The following MEGF6 variants were observed in gnomAD, a reference collection of about 807,000 sequenced individuals.
MEGF6 encodes multiple EGF like domains 6, also known as multiple epidermal growth factor-like domains protein 6.
A neutral mutation model predicts 207.1 loss-of-function variants in MEGF6; 184 were observed. That is an observed-to-expected ratio of 0.89 (90% confidence interval 0.79 to 1.00). The LOEUF (loss-of-function observed/expected upper bound fraction) is 1.00, where lower values mean the gene tolerates loss of function less well. Ranked by LOEUF, MEGF6 falls within the 50% of genes least tolerant of loss-of-function variation. The pLI is 0.00. For synonymous variants in MEGF6, 1,038 were observed against 910.0 expected (o/e 1.14, Z -2.53); for missense variants, 2,282 against 2,202.9 (o/e 1.04, Z -0.72).
At chr1:3,490,612 G>A (rs988220408) in intron 36 of MEGF6, 23 bp from the exon 37 acceptor site, 4 of 1,611,310 alleles carry the variant, frequency 2.5e-6, no homozygotes, top group African/African-American at 2.7e-5. Flanking sequence ...AGAAAAGAGG[G>A]CCAGTCCAGG....
chr1:3,605,259 C>A (rs1424715725), intron 1 of MEGF6, among the ~76,000 whole-genome samples: 1 of 152,028 alleles, frequency 6.6e-6, no homozygotes, highest in Non-Finnish European at 1.5e-5. Flanking sequence ...AAGGCACTCA[C>A]ACATACTCTC....
Position 3,492,763 on chromosome 1 carries a change from G to T in MEGF6, c.4392C>A (p.Cys1464Ter). Residue 1464 changes from cysteine (C) to a stop codon, truncating the protein, a stop_gained, in exon 35 of 37, where the codon TGC (cysteine) becomes TGA (stop). Coordinates refer to ENST00000356575, the MANE Select transcript of MEGF6 (RefSeq NM_001409.4). LOFTEE classifies it high-confidence loss of function. The stretch of plus-strand genomic sequence containing the variant: ...AGCTGGGCCCAAACTGGCCCCTTCT[G>T]CAATCTGCAAGGCGGAGGGGGCGGG... ...GRSGATCNLD[C>*]RRGQFGPSCT... is the part of the protein sequence containing the mutation. 6.2e-7 allele frequency: 1 copy of T among 1,611,202 alleles called. No individual in the cohort carries two copies. The highest frequency in any genetic ancestry group is 2.2e-5 in the East Asian group (1 of 44,830).
intron 2 of MEGF6, 124 bp from the exon 3 acceptor site, chr1:3,595,571 C>A: frequency 1.3e-6 from 1 of 772,282 alleles, no homozygotes; most frequent in South Asian, 1.7e-5. Flanking sequence ...GCTGCAGCAC[C>A]AAGGTTCCTG....
intron 14 of MEGF6, 101 bp from the exon 15 acceptor site, chr1:3,506,337 G>T: frequency 7.1e-7 from 1 of 1,410,344 alleles, no homozygotes; most frequent in Non-Finnish European, 9.5e-7. Flanking sequence ...GCCCAGCACA[G>T]GAGCTGGGAG....
chr1:3,536,374 C>T (rs531226376), intron 4 of MEGF6, among the ~76,000 whole-genome samples: 7 of 152,348 alleles, frequency 4.6e-5, no homozygotes, highest in Admixed American at 2.0e-4. Flanking sequence ...CTGAGACGTC[C>T]GTCCAGGTCC....
intron 2 of MEGF6, among the ~76,000 whole-genome samples, chr1:3,597,849 G>A (rs1644092972): frequency 6.6e-6 from 1 of 152,326 alleles, no homozygotes; most frequent in Admixed American, 6.5e-5. Context: ...GTTTGTCGGG[G>A]CTCACTGCAG....
At chr1:3,493,930 T>C in intron 33 of MEGF6, 31 bp from the exon 34 acceptor site, 1 of 1,582,566 alleles carries the variant, frequency 6.3e-7, no homozygotes, top group Non-Finnish European at 8.6e-7. Context: ...AGTGTCCCCC[T>C]CCTGTCCTGC....
chr1:3,584,352 G>T (rs1035047185), intron 3 of MEGF6, among the ~76,000 whole-genome samples: 1 of 152,206 alleles, frequency 6.6e-6, no homozygotes, highest in Admixed American at 6.5e-5. Context: ...CCACTTCTCT[G>T]GAGCTGCCGC....
chr1:3,494,121 C>G lies in MEGF6; in HGVS notation c.4133G>C (p.Cys1378Ser), dbSNP rs1409219020. ...GFYGQACEHP[C>S]PPGFHGAGCQ... ...GCCAGCCCCGTGGAAGCCAGGGGGA[C>G]AGGCTGAAGGACGCCGGTTACCACG... The change falls in exon 33 of 37, where the codon TGT becomes TCT. Residue 1378 changes from cysteine (C) to serine (S), a missense_variant. Cys to Ser is a moderately radical substitution (Grantham distance 112). Transcript: ENST00000356575. 1 of 1,566,054 alleles carries G rather than the reference C, an allele frequency of 6.4e-7. No individual in the cohort carries two copies. The highest frequency in any genetic ancestry group is 1.4e-5 in the African/African-American group (1 of 73,662).
intron 4 of MEGF6, among the ~76,000 whole-genome samples, chr1:3,544,607 C>T (rs569227105): frequency 4.8e-4 from 72 of 151,086 alleles, no homozygotes; most frequent in East Asian, 4.1e-3. Flanking sequence ...CTCCACACAC[C>T]GCAGCCCTGG....
At position 3,501,313 on chromosome 1, in the gene MEGF6, T is replaced by C; in HGVS notation, c.2315-5A>G. The stretch of plus-strand genomic sequence containing the variant: ...CCCAGCGGCCCTCGGGACAATCTAG[T>C]GCCCACCCCCATGGCCAGTCAGTGC... On this transcript the variant is annotated splice_region_variant and splice_polypyrimidine_tract_variant and intron_variant, in intron 18 of 36. Coordinates refer to ENST00000356575, the MANE Select transcript of MEGF6 (RefSeq NM_001409.4). 3.1e-6 allele frequency: 5 copies of C among 1,593,716 alleles called. No homozygotes were observed. Among genetic ancestry groups the C allele is most frequent in the Admixed American group, 1.7e-5 (1 of 57,958 alleles).
intron 17 of MEGF6, among the ~76,000 whole-genome samples, chr1:3,504,732 C>T (rs2100984980): frequency 6.6e-6 from 1 of 152,280 alleles, no homozygotes; most frequent in East Asian, 1.9e-4. Context: ...CACACCCAGG[C>T]CAAAGCATCC....
the MEGF6 span, among the ~76,000 whole-genome samples, chr1:3,621,082 A>G: frequency 6.6e-6 from 1 of 152,248 alleles, no homozygotes; most frequent in African/African-American, 2.4e-5. Flanking sequence ...GACCAGGAGC[A>G]TGACCACTGA....
intron 35 of MEGF6, among the ~76,000 whole-genome samples, chr1:3,492,146 G>A (rs1401064095): frequency 6.6e-6 from 1 of 152,052 alleles, no homozygotes; most frequent in Non-Finnish European, 1.5e-5. Context: ...CACACACTGG[G>A]TGCCACACAC....
chr1:3,616,897 C>T, the MEGF6 span, among the ~76,000 whole-genome samples: 2 of 152,228 alleles, frequency 1.3e-5, no homozygotes, highest in African/African-American at 4.8e-5. Context: ...TGCCTGTGTC[C>T]TCCTGAATGA....
chr1:3,520,409 C>T (rs1287460027), intron 5 of MEGF6, among the ~76,000 whole-genome samples: 1 of 152,204 alleles, frequency 6.6e-6, no homozygotes, highest in East Asian at 1.9e-4. Flanking sequence ...AATGATGCCC[C>T]CAGACACTCG....
Position 3,531,177 on chromosome 1 carries a change from G to A in MEGF6, c.482-6931C>T, listed in dbSNP as rs1329134676. ...GGTAGCGGTAGTGCGTGCCCGCGAC[G>A]CGCGCCAGGCCCCCCAGGAGCCCAA... is the stretch of plus-strand genomic sequence containing the variant. On this transcript the variant is annotated intron_variant, in intron 4 of 36. Coordinates refer to ENST00000356575, the MANE Select transcript of MEGF6 (RefSeq NM_001409.4). 7.2e-6 allele frequency: 11 copies of A among 1,522,674 alleles called. No individual in the cohort carries two copies. In the African/African-American group the frequency reaches 1.3e-4, roughly 18 times the overall value. 94.3% of individuals were successfully genotyped at this position (1,522,674 alleles called of 1,614,324 possible).
chr1:3,509,031 T>TGGCCCTGCGAGCAGGA, intron 12 of MEGF6, 44 bp downstream of exon 12: 1 of 1,485,328 alleles, frequency 6.7e-7, no homozygotes, highest in Non-Finnish European at 9.0e-7. Context: ...CGCTGGCTGC[T>TGGCCCTGCGAGCAGGA]GGCCCTGCGA....
intron 5 of MEGF6, among the ~76,000 whole-genome samples, chr1:3,518,111 T>G (rs974598164): frequency 2.6e-5 from 4 of 152,216 alleles, no homozygotes; most frequent in African/African-American, 9.6e-5. Flanking sequence ...ATGAATGGAA[T>G]GTGTCCCCCC....
Sources: gnomAD v4.1 joint callset for allele counts (sites outside exome capture counted in the v4.1 genomes callset) on GRCh38, gnomAD v4.1.1 for gene constraint, MANE v1.5 for transcripts, NCBI Gene and HGNC (gene_info 2026-07-23, HGNC 2026-07-21) for gene names.